The following RABEP1 variants were observed in gnomAD, a reference collection of about 807,000 sequenced individuals.
The protein encoded by RABEP1 is rab GTPase-binding effector protein 1.
In RABEP1, 51 loss-of-function variants were observed where a neutral mutation model predicts 123.4. The observed-to-expected ratio is 0.41, with a 90% CI of 0.33 to 0.52. RABEP1 has a LOEUF of 0.52. Ranked by LOEUF, RABEP1 falls within the 20% of genes least tolerant of loss-of-function variation. RABEP1 has a pLI of 0.16. For missense variants in RABEP1, 888 were observed against 996.3 expected, an observed-to-expected ratio of 0.89 and a Z score of 1.46; for synonymous variants, 347 against 355.2, an observed-to-expected ratio of 0.98 and a Z score of 0.26.
intron 1 of RABEP1, among the ~76,000 whole-genome samples, chr17:5,299,520 A>G (rs2075113312): frequency 6.6e-6 from 1 of 151,728 alleles, no homozygotes; most frequent in Non-Finnish European, 1.5e-5. Context: ...CGGTAAGCTA[A>G]TGAGTCCCTA....
intron 1 of RABEP1, among the ~76,000 whole-genome samples, chr17:5,293,291 C>CA (rs1156614244): frequency 1.3e-5 from 2 of 150,910 alleles, no homozygotes; most frequent in Non-Finnish European, 2.9e-5. Flanking sequence ...CTGTCTCCCC[C>CA]CTCAAAAAAA....
At chr17:5,303,615 A>G (rs1417253207) in intron 1 of RABEP1, among the ~76,000 whole-genome samples, 2 of 152,180 alleles carry the variant, frequency 1.3e-5, no homozygotes, top group Non-Finnish European at 2.9e-5. Context: ...AGATTCTTTG[A>G]TCCCACTGGA....
At chr17:5,335,160 G>C (rs1906948687) in intron 3 of RABEP1, 24 bp from the exon 4 acceptor site, 2 of 1,571,566 alleles carry the variant, frequency 1.3e-6, no homozygotes, top group African/African-American at 1.4e-5. Flanking sequence ...GCTTAGATGT[G>C]AAATATGTGG....
chr17:5,382,262 A>T (rs1240970975), intron 17 of RABEP1, among the ~76,000 whole-genome samples: 2 of 151,324 alleles, frequency 1.3e-5, no homozygotes, highest in African/African-American at 4.9e-5. Context: ...TTGTATTTTT[A>T]GTAGAGACAG....
chr17:5,319,203 A>G (rs1201557618), intron 2 of RABEP1, among the ~76,000 whole-genome samples: 2 of 150,590 alleles, frequency 1.3e-5, no homozygotes, highest in Non-Finnish European at 3.0e-5. Flanking sequence ...GGTGGTGCAC[A>G]CCTGTAATCC....
chr17:5,350,168 C>CA (rs1017077470), intron 6 of RABEP1, among the ~76,000 whole-genome samples: 1 of 152,096 alleles, frequency 6.6e-6, no homozygotes, highest in Admixed American at 6.5e-5. Context: ...ATCATGAGGT[C>CA]AGGAGATCGA....
At chr17:5,359,979 T>C (rs2144671446) in intron 8 of RABEP1, among the ~76,000 whole-genome samples, 1 of 152,366 alleles carries the variant, frequency 6.6e-6, no homozygotes. Context: ...ATAAAATTCA[T>C]GTAACATAAA....
Position 5,386,170 on chromosome 17 carries a change from G to C in RABEP1, c.*2947G>C, listed in dbSNP as rs1415779859. Reference sequence around the variant, plus strand: ...ACAATATGGGTTTAAGCCTTCAATGGTGTTCAGTTCAGGTGTGAGTCAGCT... The same window carrying C: ...ACAATATGGGTTTAAGCCTTCAATGCTGTTCAGTTCAGGTGTGAGTCAGCT... On this transcript the variant is annotated 3_prime_UTR_variant, in exon 18 of 18. Transcript: ENST00000537505. 9 of 1,519,190 alleles carry C rather than the reference G, an allele frequency of 5.9e-6. No homozygotes were observed. The highest frequency in any genetic ancestry group is 8.1e-6 in the Non-Finnish European group (9 of 1,104,958). 94.1% of individuals were successfully genotyped at this position (1,519,190 alleles called of 1,614,324 possible).
chr17:5,354,688 C>T (rs1416633000), intron 8 of RABEP1, among the ~76,000 whole-genome samples, 198 bp downstream of exon 8: 5 of 152,172 alleles, frequency 3.3e-5, no homozygotes, highest in Non-Finnish European at 7.3e-5. Flanking sequence ...GTTGCAGCTT[C>T]ATTCGCTGTC....
chr17:5,346,974 T>TAA, intron 6 of RABEP1, 49 bp downstream of exon 6: 1 of 1,415,670 alleles, frequency 7.1e-7, no homozygotes, highest in Non-Finnish European at 9.5e-7. Flanking sequence ...CCATATAAGT[T>TAA]AAATTGATGT....
chr17:5,365,342 C>A, intron 11 of RABEP1, 104 bp downstream of exon 11: 1 of 734,278 alleles, frequency 1.4e-6, no homozygotes, highest in Non-Finnish European at 2.1e-6. Context: ...GAAGATTTGG[C>A]AGTTTTATTT....
At chr17:5,329,705 T>A (rs1906334015) in intron 2 of RABEP1, among the ~76,000 whole-genome samples, 1 of 151,944 alleles carries the variant, frequency 6.6e-6, no homozygotes, top group African/African-American at 2.4e-5. Context: ...TTGGCAAACA[T>A]AATGTTTGAA....
At chr17:5,371,948 A>G (rs1341353839) in intron 12 of RABEP1, among the ~76,000 whole-genome samples, 1 of 152,098 alleles carries the variant, frequency 6.6e-6, no homozygotes, top group Non-Finnish European at 1.5e-5. Context: ...TAAACATCGT[A>G]TGAGAGCATC....
In RABEP1 at chr17:5,358,627, C is replaced by T. The variant is rs138343646; in HGVS notation, c.1096-2581C>T. ...CGGAGGCTGCAATGGGCTGAGAATG[C>T]GCCACTGCACTCCAGCCTGAGTGAC... On this transcript the variant is annotated intron_variant, in intron 8 of 17. Coordinates refer to ENST00000537505, the MANE Select transcript of RABEP1 (RefSeq NM_004703.6). Among the ~76,000 whole-genome samples the T allele has an allele frequency of 5.8e-3, 876 of 151,346 alleles. 8 individuals carry two copies. The highest frequency in any genetic ancestry group is 0.02 in the African/African-American group (824 of 41,170).
chr17:5,373,427 A>G lies in RABEP1; in HGVS notation c.1998A>G (p.Glu666=). Residue 666 remains glutamate (E), a synonymous_variant, in exon 13 of 18, where the codon GAA becomes GAG. Transcript: ENST00000537505. ...TGCATGTGTCATTACAGCAAGCAGAAGACTTCATCCTCCCAGACACTACAG... is the reference window on the plus strand; with the variant it reads ...TGCATGTGTCATTACAGCAAGCAGAGGACTTCATCCTCCCAGACACTACAG... ...HSLHVSLQQA[E]DFILPDTTEA... The G allele has an allele frequency of 1.9e-6, 3 of 1,612,718 alleles. 1 individual carries two copies. Among genetic ancestry groups the G allele is most frequent in the South Asian group, 2.2e-5 (2 of 90,848 alleles).
In RABEP1 at chr17:5,282,437, G is replaced by C. The variant is rs765371959; in HGVS notation, c.-50G>C. ...CGCCAGCTGAGCCCGCGGGAGCCCA[G>C]GACGCCGCTTCCCCGCCCATCCCCG... On this transcript the variant is annotated 5_prime_UTR_variant, in exon 1 of 18. Transcript: ENST00000537505. The C allele has an allele frequency of 1.5e-6, 2 of 1,314,268 alleles. No homozygotes were observed. The highest frequency in any genetic ancestry group is 1.7e-5 in the South Asian group (1 of 57,338). 81.4% of individuals were successfully genotyped at this position (1,314,268 alleles called of 1,614,324 possible).
intron 12 of RABEP1, among the ~76,000 whole-genome samples, chr17:5,372,093 T>TA (rs1433206257): frequency 6.6e-6 from 1 of 151,928 alleles, no homozygotes; most frequent in Non-Finnish European, 1.5e-5. Flanking sequence ...TAATATGAAA[T>TA]ACCTAAAATT....
At chr17:5,302,846 G>A (rs2075148040) in intron 1 of RABEP1, among the ~76,000 whole-genome samples, 2 of 151,934 alleles carry the variant, frequency 1.3e-5, no homozygotes, top group African/African-American at 2.4e-5. Flanking sequence ...CTTAAGTGTA[G>A]TTTAAAAAAT....
intron 1 of RABEP1, among the ~76,000 whole-genome samples, chr17:5,301,772 A>T (rs1452105925): frequency 1.4e-5 from 2 of 142,672 alleles, no homozygotes; most frequent in African/African-American, 5.2e-5. Flanking sequence ...AACTTTGTTT[A>T]AAAAAAAAAA....
Sources: gnomAD v4.1 joint callset for allele counts (sites outside exome capture counted in the v4.1 genomes callset) on GRCh38, gnomAD v4.1.1 for gene constraint, MANE v1.5 for transcripts, NCBI Gene and HGNC (gene_info 2026-07-23, HGNC 2026-07-21) for gene names.